Variants in FAM8A1 observed in about 807,000 individuals in gnomAD.
The protein encoded by FAM8A1 is protein FAM8A1.
A neutral mutation model predicts 38.3 loss-of-function variants in FAM8A1; 18 were observed. The ratio of observed to expected loss-of-function variants is 0.47; its 90% CI spans 0.33 to 0.70. The LOEUF (loss-of-function observed/expected upper bound fraction) is 0.70. Among genes scored for constraint, FAM8A1 ranks in the 30% least tolerant of loss-of-function variants. The pLI is 0.03. For missense variants in FAM8A1, 559 were observed against 559.6 expected, an observed-to-expected ratio of 1.00 and a Z score of 0.01; for synonymous variants, 246 against 234.4, an observed-to-expected ratio of 1.05 and a Z score of -0.45.
rs754924057 is a variant in FAM8A1 at position 17,604,883 on chromosome 6, C to A, written c.834-23C>A. The A allele has an allele frequency of 4.5e-6, 7 of 1,543,964 alleles. No individual in the cohort carries two copies. The East Asian group carries it at 1.4e-4, about 31-fold the overall frequency. On this transcript the variant is annotated intron_variant, in intron 2 of 4. Transcript: ENST00000259963. ...TGTTCTGGTAACTAATTATTTATAA[C>A]CCCAAACTATTATTTTGTGTAGGGA... is the stretch of plus-strand genomic sequence containing the variant.
Position 17,600,706 on chromosome 6 carries a change from G to A in FAM8A1, c.297G>A (p.Ala99=). The change falls in exon 1 of 5, where the codon GCG becomes GCA. Residue 99 remains alanine, a synonymous_variant. Coordinates refer to ENST00000259963, the MANE Select transcript of FAM8A1 (RefSeq NM_016255.3). ...CGGGCTGCGAGGCGCCCGAAGCCGC[G>A]GCGCCACGAGAGAGACCAGCTCGGC... ...EQAGCEAPEA[A]APRERPARLS... is the part of the protein sequence containing the mutation. The A allele has an allele frequency of 6.4e-7, 1 of 1,568,760 alleles. No homozygotes were observed. The highest frequency in any genetic ancestry group is 8.6e-7 in the Non-Finnish European group (1 of 1,159,220).
chr6:17,600,566 C>G lies in FAM8A1; in HGVS notation c.157C>G (p.Pro53Ala), dbSNP rs1040135208. The G allele has an allele frequency of 2.7e-6, 4 of 1,498,606 alleles. No individual in the cohort carries two copies. Among genetic ancestry groups the G allele is most frequent in the Non-Finnish European group, 2.7e-6 (3 of 1,128,286 alleles). The allele number at this position is 1,498,606 out of a possible 1,614,324, so 92.8% of individuals were successfully genotyped here. ...PQAEPQAPGRPTAPGLAAAAA... is the reference protein window; with the variant it reads ...PQAEPQAPGRATAPGLAAAAA... ...GGCCGAACCCCAGGCCCCGGGCCGG[C>G]CCACAGCCCCGGGCCTCGCGGCTGC... Residue 53 changes from proline to alanine, a missense_variant, in exon 1 of 5, where the codon CCC becomes GCC. Coordinates refer to ENST00000259963, the MANE Select transcript of FAM8A1 (RefSeq NM_016255.3).
Position 17,600,529 on chromosome 6 carries a change from C to T in FAM8A1, c.120C>T (p.Arg40=), listed in dbSNP as rs888974647. The T allele has an allele frequency of 3.9e-6, 6 of 1,532,814 alleles. No homozygotes were observed. The highest frequency in any genetic ancestry group is 5.2e-6 in the Non-Finnish European group (6 of 1,144,186). 95.0% of individuals were successfully genotyped at this position (1,532,814 alleles called of 1,614,324 possible). Residue 40 remains arginine, a synonymous_variant, in exon 1 of 5, where the codon CGC becomes CGT. Transcript: ENST00000259963. ...CTACCACCGCCGTCCCATGCCCCCG[C>T]GACGACCCCCAGGCCGAACCCCAGG... ...GPPTTAVPCP[R]DDPQAEPQAP... is the part of the protein sequence containing the mutation.
intron 3 of FAM8A1, among the ~76,000 whole-genome samples, chr6:17,605,618 T>C (rs1198750147): frequency 6.6e-6 from 1 of 152,206 alleles, no homozygotes; most frequent in Non-Finnish European, 1.5e-5. Context: ...TAAATTGCAA[T>C]GTAGTTTTCT....
At chr6:17,607,525 A>ATATACTATCTG (rs1764073016) in intron 4 of FAM8A1, among the ~76,000 whole-genome samples, 1 of 27,594 alleles carries the variant, frequency 3.6e-5, no homozygotes, top group Non-Finnish European at 9.2e-5. Context: ...TATACTATCT[A>ATATACTATCTG]TAGTATCATA....
chr6:17,602,826 A>G (rs1764004734), intron 2 of FAM8A1, 116 bp downstream of exon 2: 2 of 948,816 alleles, frequency 2.1e-6, no homozygotes, highest in South Asian at 2.6e-5. Context: ...CAGTGTCATG[A>G]TTTCTTTATA....
chr6:17,605,838 G>T, intron 3 of FAM8A1, 36 bp from the exon 4 acceptor site: 2 of 1,481,104 alleles, frequency 1.4e-6, no homozygotes, highest in Non-Finnish European at 1.8e-6. Context: ...TGGTATAGTT[G>T]AGCCAGTAAT....
Position 17,608,439 on chromosome 6 carries a change from C to T in FAM8A1, c.*100C>T. ...CTAATTGATGATTTAGAAATTAAAGCAGTCACTCCAGTGTGATGCAGGTGA... is the reference window on the plus strand; with the variant it reads ...CTAATTGATGATTTAGAAATTAAAGTAGTCACTCCAGTGTGATGCAGGTGA... On this transcript the variant is annotated 3_prime_UTR_variant, in exon 5 of 5. Coordinates refer to ENST00000259963, the MANE Select transcript of FAM8A1 (RefSeq NM_016255.3). 1 of 1,340,022 alleles carries T rather than the reference C, an allele frequency of 7.5e-7. No individual in the cohort carries two copies. The allele number at this position is 1,340,022 out of a possible 1,614,324, so 83.0% of individuals were successfully genotyped here.
At position 17,604,976 on chromosome 6, in the gene FAM8A1, C is replaced by A. The variant is rs771532968; in HGVS notation, c.904C>A (p.Gln302Lys). 1.9e-6 allele frequency: 3 copies of A among 1,611,154 alleles called. No homozygotes were observed. The East Asian group carries it at 6.7e-5, about 36-fold the overall frequency. ...IDEDTSMEDL[Q>K]KMMVVALIYR... ...TGAAGACACATCAATGGAAGACTTGCAGAAAATGATGGTTGTGGCACTTAT... is the reference window on the plus strand; with the variant it reads ...TGAAGACACATCAATGGAAGACTTGAAGAAAATGATGGTTGTGGCACTTAT... The change falls in exon 3 of 5, where the codon CAG (glutamine) becomes AAG (lysine). Residue 302 changes from glutamine to lysine, a missense_variant. By Grantham distance (53) the Gln-to-Lys change is moderately conservative. Around this residue, in one of 2 missense-constraint regions of FAM8A1, gnomAD observed 166 missense variants for 220.8 expected, o/e 0.75. Transcript: ENST00000259963.
intron 1 of FAM8A1, 74 bp downstream of exon 1, chr6:17,601,195 T>C: frequency 6.6e-7 from 1 of 1,507,294 alleles, no homozygotes; most frequent in Non-Finnish European, 8.9e-7. Flanking sequence ...CTGGCACGCT[T>C]TTTAGACCTG....
intron 4 of FAM8A1, 31 bp downstream of exon 4, chr6:17,606,044 A>G: frequency 2.1e-6 from 3 of 1,462,024 alleles, no homozygotes; most frequent in Non-Finnish European, 2.7e-6. Context: ...AATCTACTAC[A>G]TACTTAATGA....
In FAM8A1 at chr6:17,600,965, G is replaced by C. The variant is rs1287035427; in HGVS notation, c.556G>C (p.Asp186His). The C allele has an allele frequency of 1.9e-6, 3 of 1,594,516 alleles. No individual in the cohort carries two copies. The highest frequency in any genetic ancestry group is 2.6e-6 in the Non-Finnish European group (3 of 1,172,522). Residue 186 changes from aspartate (D) to histidine (H), a missense_variant, in exon 1 of 5, where the codon GAC (aspartate) becomes CAC (histidine). By Grantham distance (81) the Asp-to-His change is moderately conservative (BLOSUM62 -1). Transcript: ENST00000259963. ...CCTGAGCCCCGGGGCCGCGGGGCCT[G>C]ACCCGCGGACAGCTGCCGGCATCAG... ...YFLSPGAAGPDPRTAAGISTP... is the reference protein window; with the variant it reads ...YFLSPGAAGPHPRTAAGISTP...
At chr6:17,606,287 G>A (rs933407277) in intron 4 of FAM8A1, among the ~76,000 whole-genome samples, 1 of 147,380 alleles carries the variant, frequency 6.8e-6, no homozygotes. Flanking sequence ...TGCAGGCTCC[G>A]CCTCCCAGGT....
At chr6:17,604,859 G>A (rs767208147) in intron 2 of FAM8A1, 47 bp from the exon 3 acceptor site, 2 of 1,493,700 alleles carry the variant, frequency 1.3e-6, no homozygotes, top group Admixed American at 4.6e-5. Flanking sequence ...CAGTGCTACT[G>A]TTCTGGTAAC....
At chr6:17,602,541 A>T (rs772530105) in intron 1 of FAM8A1, 49 bp from the exon 2 acceptor site, 2 of 1,474,734 alleles carry the variant, frequency 1.4e-6, no homozygotes, top group African/African-American at 1.5e-5. Flanking sequence ...TCCAAGGCTT[A>T]TGTGAAATGA....
chr6:17,605,574 T>G (rs908819769), intron 3 of FAM8A1, among the ~76,000 whole-genome samples: 19 of 152,224 alleles, frequency 1.2e-4, no homozygotes, highest in African/African-American at 4.6e-4. Flanking sequence ...CAAATAAAAT[T>G]TCACTTATAG....
intron 4 of FAM8A1, 149 bp from the exon 5 acceptor site, chr6:17,608,046 A>T: frequency 1.2e-6 from 1 of 846,802 alleles, no homozygotes; most frequent in South Asian, 1.8e-5. Context: ...AAATTCTCTC[A>T]ACTATACCTT....
rs758581418 is a variant in FAM8A1, at chr6:17,605,038, C to T, written c.957+9C>T. 1.4e-5 allele frequency: 22 copies of T among 1,596,744 alleles called. No homozygotes were observed. In the Admixed American group the frequency reaches 2.5e-4, roughly 18 times the overall value. The stretch of plus-strand genomic sequence containing the variant: ...TAGTTTGTTTCTATGAGGTAAGCTA[C>T]TGACTTCAGCAAGAATTAATATTTA... On this transcript the variant is annotated intron_variant, in intron 3 of 4. Transcript: ENST00000259963.
chr6:17,604,837 T>TG, intron 2 of FAM8A1, 69 bp from the exon 3 acceptor site: 2 of 1,291,680 alleles, frequency 1.5e-6, no homozygotes, highest in East Asian at 5.3e-5. Flanking sequence ...CTTGCACTAA[T>TG]GAAAAAAAAG....
Sources: allele counts gnomAD v4.1 joint callset (sites outside exome capture counted in the v4.1 genomes callset), GRCh38; gene constraint gnomAD v4.1.1; regional missense constraint gnomAD v4.1.1; transcripts MANE v1.5; gene names NCBI Gene and HGNC (gene_info 2026-07-23, HGNC 2026-07-21).